MTHFSD: variants seen among roughly 807,000 people sequenced by gnomAD.
MTHFSD encodes methenyltetrahydrofolate synthase domain-containing protein.
A neutral mutation model predicts 31.1 loss-of-function variants in MTHFSD; 37 were observed. The ratio of observed to expected loss-of-function variants is 1.19; its 90% CI spans 0.91 to 1.56. The LOEUF is 1.56. MTHFSD is among the 40% of genes most tolerant of loss of function. The pLI is 0.00. For synonymous variants in MTHFSD, 221 were observed against 206.9 expected (o/e 1.07, Z -0.59); for missense variants, 664 against 510.1 (o/e 1.30, Z -2.91).
intron 4 of MTHFSD, chr16:86,548,206 C>T: frequency 1.9e-6 from 2 of 1,062,160 alleles, no homozygotes; most frequent in Non-Finnish European, 2.5e-6. Flanking sequence ...ACCCGTCTTC[C>T]CTTTTCTTAC....
rs377240096 is a variant in MTHFSD, at chr16:86,530,490, T to G, written c.*1521A>C. The G allele has an allele frequency of 6.6e-6, 1 of 152,140 alleles. No homozygotes were observed. Among genetic ancestry groups the G allele is most frequent in the Admixed American group, 6.5e-5 (1 of 15,280 alleles). The allele number at this position is 152,140 out of a possible 1,614,324, so 9.4% of individuals were successfully genotyped here. On this transcript the variant is annotated 3_prime_UTR_variant, in exon 8 of 8. Coordinates refer to ENST00000360900, the MANE Select transcript of MTHFSD (RefSeq NM_001159377.2). ...CCAGTGGGTCTATTCCCCGAAGTCC[T>G]TGCTCCTGTCTGCAGGGCTGTGCCC... is the stretch of plus-strand genomic sequence containing the variant.
intron 7 of MTHFSD, among the ~76,000 whole-genome samples, chr16:86,534,822 G>C (rs1970455454): frequency 6.6e-6 from 1 of 152,090 alleles, no homozygotes; most frequent in African/African-American, 2.4e-5. Context: ...CAAGGTAAGG[G>C]GTGCAGTAAG....
Position 86,530,635 on chromosome 16 carries a change from A to G in MTHFSD, c.*1376T>C, listed in dbSNP as rs1347710169. 6.6e-6 allele frequency: 1 copy of G among 152,190 alleles called. No homozygotes were observed. The highest frequency in any genetic ancestry group is 2.4e-5 in the African/African-American group (1 of 41,418). The allele number at this position is 152,190 out of a possible 1,614,324, so 9.4% of individuals were successfully genotyped here. ...GGTAAACAAAAAAAAAAAAATAAGA[A>G]TCTTTCAGAAAAAGAAGTATTTTTT... On this transcript the variant is annotated 3_prime_UTR_variant, in exon 8 of 8. Coordinates refer to ENST00000360900, the MANE Select transcript of MTHFSD (RefSeq NM_001159377.2).
At chr16:86,533,666 C>T (rs978046696) in intron 7 of MTHFSD, 1 of 152,176 alleles carries the variant, frequency 6.6e-6, no homozygotes, top group African/African-American at 2.4e-5. Flanking sequence ...AGAGAGGAGC[C>T]TTTGTGAGGA....
intron 4 of MTHFSD, chr16:86,547,378 A>G (rs1972475715): frequency 1.0e-6 from 1 of 985,666 alleles, no homozygotes; most frequent in Non-Finnish European, 1.2e-6. Context: ...ATCCAGCAGT[A>G]ACTGATCATT....
chr16:86,541,673 G>C, intron 7 of MTHFSD, 24 bp downstream of exon 7: 6 of 1,608,110 alleles, frequency 3.7e-6, no homozygotes, highest in Non-Finnish European at 5.1e-6. Flanking sequence ...CTACAGGCCA[G>C]AGCTGGCCAC....
chr16:86,552,439 G>A lies in MTHFSD; in HGVS notation c.124-293C>T, dbSNP rs548988565. 80 of 650,630 alleles carry A rather than the reference G, an allele frequency of 1.2e-4. No homozygotes were observed. The African/African-American group carries it at 1.3e-3, about 11-fold the overall frequency. 40.3% of individuals were successfully genotyped at this position (650,630 alleles called of 1,614,324 possible). On this transcript the variant is annotated intron_variant, in intron 2 of 7. Transcript: ENST00000360900. ...TAAGGAAGCAGTCTAAGTAAGGAAAGGGATTTGAGAAAAGTAGCCTAATCC... is the reference window on the plus strand; with the variant it reads ...TAAGGAAGCAGTCTAAGTAAGGAAAAGGATTTGAGAAAAGTAGCCTAATCC...
chr16:86,547,756 C>T (rs575350009), intron 4 of MTHFSD, among the ~76,000 whole-genome samples: 108 of 152,124 alleles, frequency 7.1e-4, no homozygotes, highest in African/African-American at 2.4e-3. Context: ...AATAAGTAAA[C>T]AATGAAACGT....
At chr16:86,541,538 A>C (rs978870604) in intron 7 of MTHFSD, 159 bp downstream of exon 7, 1 of 974,254 alleles carries the variant, frequency 1.0e-6, no homozygotes, top group African/African-American at 1.6e-5. Flanking sequence ...CTGGGCCTGG[A>C]CATGGTCATT....
chr16:86,537,674 A>C (rs1208592243), intron 7 of MTHFSD, among the ~76,000 whole-genome samples: 1 of 152,228 alleles, frequency 6.6e-6, no homozygotes, highest in African/African-American at 2.4e-5. Context: ...TTGCTGTCCC[A>C]GGACTGCTGC....
At position 86,542,735 on chromosome 16, in the gene MTHFSD, C is replaced by G. The variant is rs1188416145; in HGVS notation, c.443-522G>C. Among the ~76,000 whole-genome samples the G allele has an allele frequency of 6.6e-6, 1 of 152,196 alleles. No homozygotes were observed. The highest frequency in any genetic ancestry group is 1.5e-5 in the Non-Finnish European group (1 of 68,040). ...AGGGACGGTTTAAGCAGTACTAAAGCGTTTTGCAAATTTGTAATTAGTGGC... is the reference window on the plus strand; with the variant it reads ...AGGGACGGTTTAAGCAGTACTAAAGGGTTTTGCAAATTTGTAATTAGTGGC... On this transcript the variant is annotated intron_variant, in intron 5 of 7. Transcript: ENST00000360900. This position sits in a 1 kb window ranked among gnomAD's most constrained non-coding sequence, Gnocchi z 4.6.
Position 86,548,535 on chromosome 16 carries a change from C to T in MTHFSD, c.280G>A (p.Gly94Arg). ...GGTGGTGTGATCTTATTAAACAATCCCGTTCTCAGTCGTGGTGTTGGAACC... is the reference window on the plus strand; with the variant it reads ...GGTGGTGTGATCTTATTAAACAATCTCGTTCTCAGTCGTGGTGTTGGAACC... ...LLVPTPRLRT[G>R]LFNKITPPPG... Residue 94 changes from glycine to arginine, a missense_variant, in exon 4 of 8, where the codon GGA becomes AGA. Gly to Arg is a moderately radical substitution (Grantham distance 125). Coordinates refer to ENST00000360900, the MANE Select transcript of MTHFSD (RefSeq NM_001159377.2). The T allele has an allele frequency of 6.2e-7, 1 of 1,613,194 alleles. No homozygotes were observed. Among genetic ancestry groups the T allele is most frequent in the Non-Finnish European group, 8.5e-7 (1 of 1,179,786 alleles).
intron 4 of MTHFSD, 132 bp downstream of exon 4, chr16:86,548,332 T>G: frequency 1.1e-6 from 1 of 888,776 alleles, no homozygotes; most frequent in South Asian, 1.5e-5. Flanking sequence ...TCTTGAATAC[T>G]TTAATATCTC....
At chr16:86,554,953 GTTATCT>G in intron 1 of MTHFSD, 1 of 1,269,102 alleles carries the variant, frequency 7.9e-7, no homozygotes, top group Non-Finnish European at 1.1e-6. Flanking sequence ...TCGTCTTCTC[GTTATCT>G]TTATTTTTCC....
chr16:86,543,076 G>C (rs1013826848), intron 5 of MTHFSD, among the ~76,000 whole-genome samples: 1 of 152,194 alleles, frequency 6.6e-6, no homozygotes, highest in Admixed American at 6.5e-5. Context: ...AGAAACAAGA[G>C]AAAGAAAATT....
intron 3 of MTHFSD, 61 bp from the exon 4 acceptor site, chr16:86,548,638 T>C (rs1567551307): frequency 5.2e-6 from 7 of 1,352,726 alleles, no homozygotes; most frequent in East Asian, 4.8e-5. Context: ...GACTTTCTTA[T>C]ATGTATTTTT....
intron 7 of MTHFSD, among the ~76,000 whole-genome samples, chr16:86,538,623 C>T (rs1055337862): frequency 6.6e-6 from 1 of 152,212 alleles, no homozygotes; most frequent in African/African-American, 2.4e-5. Flanking sequence ...GCTCTCAGCC[C>T]ACTACAGACT....
chr16:86,554,923 C>T (rs1173822701), intron 1 of MTHFSD, 172 bp from the exon 2 acceptor site: 3 of 1,109,298 alleles, frequency 2.7e-6, no homozygotes, highest in Admixed American at 2.9e-5. Flanking sequence ...CCCACGTGCA[C>T]GGCAGGTGTC....
At chr16:86,552,294 T>C (rs761218492) in intron 2 of MTHFSD, 148 bp from the exon 3 acceptor site, 7 of 1,566,320 alleles carry the variant, frequency 4.5e-6, no homozygotes, top group African/African-American at 1.4e-5. Context: ...AGAAGCGCCC[T>C]GTTTCCAATG....
Sources: gnomAD v4.1 joint callset for allele counts (sites outside exome capture counted in the v4.1 genomes callset) on GRCh38, gnomAD v4.1.1 for gene constraint, Gnocchi (gnomAD v3.1) non-coding constraint, MANE v1.5 for transcripts, NCBI Gene and HGNC (gene_info 2026-07-23, HGNC 2026-07-21) for gene names.